GUCY1B1: variants seen among roughly 807,000 people sequenced by gnomAD.
The protein encoded by GUCY1B1 is guanylate cyclase 1 soluble subunit beta 1.
In GUCY1B1, 43 loss-of-function variants were observed where a neutral mutation model predicts 71.0. That is an observed-to-expected ratio of 0.61 (90% CI 0.47 to 0.78). GUCY1B1 has a LOEUF of 0.78. Among genes scored for constraint, GUCY1B1 ranks in the 30% least tolerant of loss-of-function variants. The pLI is 0.00. For missense variants in GUCY1B1, 535 were observed against 754.1 expected, an observed-to-expected ratio of 0.71 and a Z score of 3.40; for synonymous variants, 266 against 259.7, an observed-to-expected ratio of 1.02 and a Z score of -0.23.
At position 155,802,043 on chromosome 4, in the gene GUCY1B1, T is replaced by C. The variant is rs1432232662; in HGVS notation, c.1176-299T>C. Among the ~76,000 whole-genome samples the C allele has an allele frequency of 6.6e-6, 1 of 152,200 alleles. No homozygotes were observed. Among genetic ancestry groups the C allele is most frequent in the Non-Finnish European group, 1.5e-5 (1 of 68,048 alleles). On this transcript the variant is annotated intron_variant, in intron 9 of 13. Coordinates refer to ENST00000264424, the MANE Select transcript of GUCY1B1 (RefSeq NM_000857.5). The surrounding 1 kb of genome is among the most constrained non-coding windows in gnomAD (Gnocchi z 4.3). ...AATACAGGACTACAAATGAAAACTT[T>C]GATTTTCTATTACCAGTCTTTTTGT...
At chr4:155,767,414 A>C (rs1439282233) in intron 2 of GUCY1B1, among the ~76,000 whole-genome samples, 1 of 152,140 alleles carries the variant, frequency 6.6e-6, no homozygotes, top group Non-Finnish European at 1.5e-5. Context: ...ATGTTTTCAA[A>C]ATTGGAGAAA....
intron 2 of GUCY1B1, among the ~76,000 whole-genome samples, chr4:155,767,215 G>T (rs1479504015): frequency 1.3e-5 from 2 of 152,150 alleles, no homozygotes; most frequent in African/African-American, 4.8e-5. Context: ...ATGTGTATTA[G>T]TACTGCCTGC....
At chr4:155,790,798 T>C (rs1209890936) in intron 5 of GUCY1B1, among the ~76,000 whole-genome samples, 1 of 152,242 alleles carries the variant, frequency 6.6e-6, no homozygotes, top group Non-Finnish European at 1.5e-5. Context: ...TTAAATAAAT[T>C]AGAAAGATAT....
intron 12 of GUCY1B1, 123 bp from the exon 13 acceptor site, chr4:155,804,980 G>A (rs1341539590): frequency 1.1e-6 from 1 of 873,094 alleles, no homozygotes; most frequent in African/African-American, 1.7e-5. Context: ...AAAGCTTTGA[G>A]TTACCTTTCA....
intron 4 of GUCY1B1, among the ~76,000 whole-genome samples, chr4:155,784,193 G>A (rs1328059771): frequency 6.6e-6 from 1 of 151,968 alleles, no homozygotes; most frequent in African/African-American, 2.4e-5. Context: ...TAGTGACTCT[G>A]GTACAGTTTC....
At chr4:155,780,901 T>C (rs1221080865) in intron 4 of GUCY1B1, among the ~76,000 whole-genome samples, 1 of 152,202 alleles carries the variant, frequency 6.6e-6, no homozygotes, top group African/African-American at 2.4e-5. Context: ...CGTTCTGACA[T>C]TTCCATTTTA....
chr4:155,804,816 C>G, intron 12 of GUCY1B1, 69 bp downstream of exon 12: 1 of 1,388,280 alleles, frequency 7.2e-7, no homozygotes, highest in Non-Finnish European at 1.0e-6. Context: ...GTTTAATTCT[C>G]TGAGAGATTT....
chr4:155,799,801 T>G (rs1739818214), intron 8 of GUCY1B1, 76 bp from the exon 9 acceptor site: 1 of 757,532 alleles, frequency 1.3e-6, no homozygotes, highest in Admixed American at 2.3e-5. Flanking sequence ...AGGATCAGAT[T>G]CCTTGACAGA....
chr4:155,798,836 TGTC>T (rs1251419335), intron 8 of GUCY1B1, among the ~76,000 whole-genome samples: 1 of 137,460 alleles, frequency 7.3e-6, no homozygotes, highest in Non-Finnish European at 1.7e-5. Context: ...TAGGTTTTGT[TGTC>T]GTTGTTGTTG....
At position 155,802,394 on chromosome 4, in the gene GUCY1B1, C is replaced by T. The variant is rs749294623; in HGVS notation, c.1228C>T (p.Arg410Cys). The change falls in exon 10 of 14, where the codon CGT becomes TGT. Residue 410 changes from arginine to cysteine, a missense_variant. By Grantham distance (180) the Arg-to-Cys change is radical. Coordinates refer to ENST00000264424, the MANE Select transcript of GUCY1B1 (RefSeq NM_000857.5). The surrounding 1 kb of genome is among the most constrained non-coding windows in gnomAD (Gnocchi z 4.3). ...PSVANELRHK[R>C]PVPAKRYDNV... ...TGTTGCCAATGAGCTGCGGCACAAG[C>T]GTCCAGTGCCTGCCAAAAGATATGA... 3.1e-6 allele frequency: 5 copies of T among 1,613,316 alleles called. No homozygotes were observed. Among genetic ancestry groups the T allele is most frequent in the Middle Eastern group, 1.7e-4 (1 of 6,054 alleles).
Position 155,802,687 on chromosome 4 carries a change from T to G in GUCY1B1, c.1413+108T>G. ...CTCTCTGACTCCAGCACTGCAGCCT[T>G]GAGTACAGTGAGCCTCCATGTATTC... On this transcript the variant is annotated intron_variant, in intron 10 of 13. Coordinates refer to ENST00000264424, the MANE Select transcript of GUCY1B1 (RefSeq NM_000857.5). The surrounding 1 kb of genome is among the most constrained non-coding windows in gnomAD (Gnocchi z 4.3). 1 of 850,840 alleles carries G rather than the reference T, an allele frequency of 1.2e-6. No homozygotes were observed. The highest frequency in any genetic ancestry group is 1.8e-5 in the South Asian group (1 of 54,884). 52.7% of individuals were successfully genotyped at this position (850,840 alleles called of 1,614,324 possible).
chr4:155,767,336 T>G lies in GUCY1B1; in HGVS notation c.77+7476T>G, dbSNP rs1459847. On this transcript the variant is annotated intron_variant, in intron 2 of 13. Transcript: ENST00000264424. ...CATATACACAAGTGTCTAAGTAAAT[T>G]CATTTGTCTGTTAAAGCTGCTGAAA... Among the ~76,000 whole-genome samples, 1,198 of 152,232 alleles carry G rather than the reference T, an allele frequency of 7.9e-3. 14 individuals are homozygous for G. Among genetic ancestry groups the G allele is most frequent in the African/African-American group, 0.028 (1,146 of 41,544 alleles).
chr4:155,759,109 G>A lies in GUCY1B1; in HGVS notation c.-32G>A. 6.3e-7 allele frequency: 1 copy of A among 1,588,446 alleles called. No individual in the cohort carries two copies. Among genetic ancestry groups the A allele is most frequent in the South Asian group, 1.1e-5 (1 of 87,102 alleles). ...TCCCTTCGGCCGTACCTCTGCGTGG[G>A]GGCTGCCTCCCCGGCTCCCGGTGCA... On this transcript the variant is annotated 5_prime_UTR_variant, in exon 1 of 14. Transcript: ENST00000264424.
intron 4 of GUCY1B1, among the ~76,000 whole-genome samples, chr4:155,782,027 C>T (rs995498853): frequency 6.6e-6 from 1 of 151,936 alleles, no homozygotes; most frequent in African/African-American, 2.4e-5. Flanking sequence ...ATGTGTGGTT[C>T]CATGCTATTG....
Position 155,775,045 on chromosome 4 carries a change from TTGC to T in GUCY1B1, c.162_164del (p.Ala55del). On this transcript the variant is annotated inframe_deletion, in exon 3 of 14. Transcript: ENST00000264424. ...GATGACTCCAAAACTTATGATTTGG[TTGC>T]TGCTGCAAGCAAAGTCCTCAGTAAG... 6.3e-7 allele frequency: 1 copy of T among 1,598,834 alleles called. No homozygotes were observed. The highest frequency in any genetic ancestry group is 8.6e-7 in the Non-Finnish European group (1 of 1,166,586).
At position 155,807,666 on chromosome 4, in the gene GUCY1B1, A is replaced by G. The variant is rs1350428946; in HGVS notation, c.*1257A>G. On this transcript the variant is annotated 3_prime_UTR_variant, in exon 14 of 14. Coordinates refer to ENST00000264424, the MANE Select transcript of GUCY1B1 (RefSeq NM_000857.5). ...TTATTAATGCCATTATTTTGTAAAT[A>G]CATTTTACAATTTTGCCTATTTGCT... 1 of 152,124 alleles carries G rather than the reference A, an allele frequency of 6.6e-6. No homozygotes were observed. The highest frequency in any genetic ancestry group is 1.9e-4 in the East Asian group (1 of 5,198). 9.4% of individuals were successfully genotyped at this position (152,124 alleles called of 1,614,324 possible).
At chr4:155,786,920 T>C (rs1460614104) in intron 4 of GUCY1B1, among the ~76,000 whole-genome samples, 2 of 152,142 alleles carry the variant, frequency 1.3e-5, no homozygotes, top group African/African-American at 2.4e-5. Flanking sequence ...ATTTCTTTTT[T>C]AAGTGAGCCA....
rs1157090977 is a variant in GUCY1B1, at chr4:155,775,971, G to C, written c.178+903G>C. On this transcript the variant is annotated intron_variant, in intron 3 of 13. Coordinates refer to ENST00000264424, the MANE Select transcript of GUCY1B1 (RefSeq NM_000857.5). ...ACTAGGAAAGCAAACACTATCTATAGTAGAATAAAAATTGTTTTAAAAGAT... is the reference window on the plus strand; with the variant it reads ...ACTAGGAAAGCAAACACTATCTATACTAGAATAAAAATTGTTTTAAAAGAT... Among the ~76,000 whole-genome samples the C allele has an allele frequency of 3.3e-5, 5 of 152,246 alleles. No homozygotes were observed. In the East Asian group the frequency reaches 9.6e-4, roughly 29 times the overall value.
chr4:155,796,538 G>A (rs773395367), intron 8 of GUCY1B1, 28 bp downstream of exon 8: 2 of 1,507,284 alleles, frequency 1.3e-6, no homozygotes, highest in East Asian at 4.5e-5. Context: ...AATTATAGTG[G>A]CTATCAGTAC....
Sources: gnomAD v4.1 joint callset for allele counts (sites outside exome capture counted in the v4.1 genomes callset) on GRCh38, gnomAD v4.1.1 for gene constraint, Gnocchi (gnomAD v3.1) non-coding constraint, MANE v1.5 for transcripts, NCBI Gene and HGNC (gene_info 2026-07-23, HGNC 2026-07-21) for gene names.